GYPB: variants seen among roughly 807,000 people sequenced by gnomAD.
GYPB encodes glycophorin B (MNS blood group), also known as glycophorin-B.
In GYPB, 13 loss-of-function variants were observed where a neutral mutation model predicts 15.3. That is an observed-to-expected ratio of 0.85 (90% CI 0.55 to 1.35). The LOEUF is 1.35. GYPB is among the 40% of genes most tolerant of loss of function. The pLI, the probability that GYPB is intolerant of heterozygous loss-of-function variation, is 0.00. For missense variants in GYPB, 131 were observed against 108.3 expected, an observed-to-expected ratio of 1.21 and a Z score of -0.93; for synonymous variants, 38 against 36.9, an observed-to-expected ratio of 1.03 and a Z score of -0.11.
At position 144,015,684 on chromosome 4, in the gene GYPB, C is replaced by G. The variant is rs200638730; in HGVS notation, c.37+3567G>C. Among the ~76,000 whole-genome samples the G allele has an allele frequency of 1.5e-3, 233 of 151,092 alleles. 3 individuals are homozygous for G. Among genetic ancestry groups the G allele is most frequent in the African/African-American group, 5.0e-3 (205 of 40,654 alleles). On this transcript the variant is annotated intron_variant, in intron 1 of 4. Transcript: ENST00000502664. ...TCCCTACTTTCCCCTCTATTCAGACCTTTTCTGCAAAGGAGTTCACAGTGG... is the reference window on the plus strand; with the variant it reads ...TCCCTACTTTCCCCTCTATTCAGACGTTTTCTGCAAAGGAGTTCACAGTGG...
In GYPB at chr4:144,019,265, A is replaced by G. The variant is rs768488450; in HGVS notation, c.23T>C (p.Val8Ala). MYGKIIF[V>A]LLLSEIVSIS... Reference sequence around the variant, plus strand: ...AAATCACTTACCTGACAATAGTAATACAAAGATTATTTTTCCATACATCCT... The same window carrying G: ...AAATCACTTACCTGACAATAGTAATGCAAAGATTATTTTTCCATACATCCT... Residue 8 changes from valine to alanine, a missense_variant, in exon 1 of 5, where the codon GTA (valine) becomes GCA (alanine). Transcript: ENST00000502664. 11 of 1,611,628 alleles carry G rather than the reference A, an allele frequency of 6.8e-6. No individual in the cohort carries two copies. The highest frequency in any genetic ancestry group is 3.3e-5 in the South Asian group (3 of 90,992).
chr4:144,002,168 A>G (rs1727664017), intron 1 of GYPB, among the ~76,000 whole-genome samples: 1 of 151,360 alleles, frequency 6.6e-6, no homozygotes, highest in Admixed American at 6.5e-5. Context: ...AAAGTAATAT[A>G]GATTCAATAA....
In GYPB at chr4:144,018,101, G is replaced by A. The variant is rs140116361; in HGVS notation, c.37+1150C>T. 1.1e-3 allele frequency among the ~76,000 whole-genome samples: 160 copies of A among 151,204 alleles called. 6 individuals are homozygous for A. The highest frequency in any genetic ancestry group is 3.6e-3 in the African/African-American group (148 of 40,694). On this transcript the variant is annotated intron_variant, in intron 1 of 4. Transcript: ENST00000502664. ...TCTAATCATAGAAAATGCGTAGTAC[G>A]CTTAACATTTTACTTTGTTTCTGGC...
chr4:143,997,375 A>T, intron 4 of GYPB, 165 bp downstream of exon 4: 1 of 523,524 alleles, frequency 1.9e-6, no homozygotes, highest in East Asian at 3.3e-5. Context: ...ATGCAAAAAA[A>T]AAATTCTGCT....
At chr4:144,014,400 C>T (rs539469684) in intron 1 of GYPB, among the ~76,000 whole-genome samples, 4 of 151,716 alleles carry the variant, frequency 2.6e-5, no homozygotes, top group African/African-American at 4.9e-5. Flanking sequence ...AAATTTTCAT[C>T]AAATGATGGA....
At chr4:143,996,412 C>A (rs1727314220) in intron 4 of GYPB, 108 bp from the exon 5 acceptor site, 1 of 1,537,870 alleles carries the variant, frequency 6.5e-7, no homozygotes, top group Admixed American at 2.0e-5. Flanking sequence ...CAGGCTGTAG[C>A]CAATTGGAGG....
intron 4 of GYPB, among the ~76,000 whole-genome samples, chr4:143,996,680 G>A (rs1727328225): frequency 6.6e-6 from 1 of 150,634 alleles, no homozygotes; most frequent in Non-Finnish European, 1.5e-5. Flanking sequence ...TGAAGCACGA[G>A]AATCACTTGA....
intron 1 of GYPB, among the ~76,000 whole-genome samples, chr4:144,013,919 A>T (rs1310567830): frequency 6.7e-6 from 1 of 149,514 alleles, no homozygotes; most frequent in African/African-American, 2.5e-5. Flanking sequence ...AAGTATAGTA[A>T]AAAAAAAATA....
rs888064674 is a variant in GYPB, at chr4:143,996,115, T to G, written c.*184A>C. 1.3e-5 allele frequency: 19 copies of G among 1,409,454 alleles called. 2 individuals carry two copies. In the African/African-American group the frequency reaches 2.6e-4, roughly 19 times the overall value. The allele number at this position is 1,409,454 out of a possible 1,614,324, so 87.3% of individuals were successfully genotyped here. On this transcript the variant is annotated 3_prime_UTR_variant, in exon 5 of 5. Coordinates refer to ENST00000502664, the MANE Select transcript of GYPB (RefSeq NM_002100.6). ...CTATAATACATGAAAACGGTTTGTA[T>G]TTTGTTTTATTTTTATTTAGAAGTA...
At chr4:144,016,525 A>G (rs1728510444) in intron 1 of GYPB, among the ~76,000 whole-genome samples, 1 of 151,038 alleles carries the variant, frequency 6.6e-6, no homozygotes, top group African/African-American at 2.5e-5. Flanking sequence ...CCAATCGGGA[A>G]CTGTGCTAGA....
In GYPB at chr4:143,997,132, G is replaced by T. The variant is rs4302421; in HGVS notation, c.270+408C>A. Among the ~76,000 whole-genome samples, 5 of 150,938 alleles carry T rather than the reference G, an allele frequency of 3.3e-5. 2 individuals are homozygous for T. Among genetic ancestry groups the T allele is most frequent in the African/African-American group, 1.2e-4 (5 of 40,362 alleles). On this transcript the variant is annotated intron_variant, in intron 4 of 4. Transcript: ENST00000502664. ...TTTTTGCTCAGGCTGGTCTCAAACT[G>T]CTGAGCTCAAGCAATCCTCCTGCCT...
chr4:144,005,158 T>C (rs1241417465), intron 1 of GYPB, among the ~76,000 whole-genome samples: 24 of 151,956 alleles, frequency 1.6e-4, no homozygotes, highest in Admixed American at 1.5e-3. Flanking sequence ...AGAAAACCAC[T>C]TGCAGCACAT....
downstream of GYPB, chr4:143,996,102 A>G: frequency 2.9e-6 from 4 of 1,381,928 alleles, no homozygotes; most frequent in South Asian, 6.2e-5. Context: ...ATAATACATG[A>G]AAACGGTTTG....
intron 1 of GYPB, among the ~76,000 whole-genome samples, chr4:144,001,941 C>G (rs1727647129): frequency 7.5e-6 from 1 of 133,112 alleles, no homozygotes; most frequent in Admixed American, 8.8e-5. Flanking sequence ...TGCACTCCAG[C>G]CTGGGCGACA....
In GYPB at chr4:144,002,960, A is replaced by G. The variant is rs1191184544; in HGVS notation, c.38-1677T>C. ...AACGATTGCCATATGAATTCTCCAA[A>G]TAGCATGCAAAACAATTACTGAATG... On this transcript the variant is annotated intron_variant, in intron 1 of 4. Coordinates refer to ENST00000502664, the MANE Select transcript of GYPB (RefSeq NM_002100.6). 8.6e-5 allele frequency among the ~76,000 whole-genome samples: 13 copies of G among 151,270 alleles called. 1 individual carries two copies. Among genetic ancestry groups the G allele is most frequent in the Admixed American group, 1.3e-4 (2 of 15,256 alleles).
At position 144,019,301 on chromosome 4, in the gene GYPB, G is replaced by T. The variant is rs1406299894; in HGVS notation, c.-14C>A. 8.1e-6 allele frequency: 13 copies of T among 1,611,678 alleles called. No homozygotes were observed. The highest frequency in any genetic ancestry group is 1.4e-5 in the African/African-American group (1 of 73,778). On this transcript the variant is annotated 5_prime_UTR_variant, in exon 1 of 5. Transcript: ENST00000502664. ...TTTTCCATACATCCTGAGATCATGA[G>T]CTGGTTCCTGAAGTTAGTGCAAAAA...
chr4:143,999,198 G>A (rs191066117), intron 3 of GYPB: 18 of 438,198 alleles, frequency 4.1e-5, no homozygotes, highest in Middle Eastern at 6.7e-4. Flanking sequence ...CATGAGCCAC[G>A]GCCCCTGGCC....
chr4:143,997,588 A>G lies in GYPB; in HGVS notation c.222T>C (p.Ile74=). 1 of 1,600,086 alleles carries G rather than the reference A, an allele frequency of 6.2e-7. No individual in the cohort carries two copies. Among genetic ancestry groups the G allele is most frequent in the South Asian group, 1.1e-5 (1 of 90,774 alleles). The change falls in exon 4 of 5, where the codon ATT becomes ATC. Residue 74 remains isoleucine (I), a synonymous_variant. Transcript: ENST00000502664. ...ILIILCVMAG[I]IGTILLISYS... ...AAGAAATTAAGAGGATCGTTCCAAT[A>G]ATACCAGCCATCACACACAAAATAA... is the stretch of plus-strand genomic sequence containing the variant.
chr4:144,002,839 GT>G (rs1560707406), intron 1 of GYPB: 1 of 404,368 alleles, frequency 2.5e-6, no homozygotes, highest in Non-Finnish European at 4.5e-6. Context: ...ATGATCTATT[GT>G]TCCTAAACTG....
Sources: allele counts gnomAD v4.1 joint callset (sites outside exome capture counted in the v4.1 genomes callset), GRCh38; gene constraint gnomAD v4.1.1; transcripts MANE v1.5; gene names NCBI Gene and HGNC (gene_info 2026-07-23, HGNC 2026-07-21).